The following NCKAP5 variants were observed in gnomAD, a reference collection of about 807,000 sequenced individuals.
NCKAP5 encodes nck-associated protein 5.
A neutral mutation model predicts 167.0 loss-of-function variants in NCKAP5; 92 were observed. The ratio of observed to expected loss-of-function variants is 0.55; its 90% CI spans 0.47 to 0.66. NCKAP5 has a LOEUF of 0.66. Among genes scored for constraint, NCKAP5 ranks in the 30% least tolerant of loss-of-function variants. The probability of loss-of-function intolerance (pLI) is 0.00; values close to 1 mark genes in which losing one functional copy is unlikely to be tolerated. For synonymous variants in NCKAP5, 891 were observed against 877.4 expected (o/e 1.02, Z -0.27); for missense variants, 2,378 against 2,315.0 (o/e 1.03, Z -0.56).
intron 5 of NCKAP5, among the ~76,000 whole-genome samples, chr2:133,211,196 C>T (rs4953880): frequency 0.46 from 70,544 of 151,738 alleles, 16,822 homozygotes; most frequent in Non-Finnish European, 0.51. Context: ...TGCTCAGATA[C>T]TAACTTTTCA....
chr2:133,535,363 C>A (rs1212790656), intron 2 of NCKAP5, among the ~76,000 whole-genome samples: 1 of 151,928 alleles, frequency 6.6e-6, no homozygotes, highest in Non-Finnish European at 1.5e-5. Flanking sequence ...TTGTTTAACT[C>A]CTGCTTTTAA....
intron 3 of NCKAP5, among the ~76,000 whole-genome samples, chr2:133,484,289 A>T (rs1041496295): frequency 6.6e-6 from 1 of 152,198 alleles, no homozygotes; most frequent in African/African-American, 2.4e-5. Flanking sequence ...CATCTGGTCC[A>T]GTCCTTGTCT....
intron 6 of NCKAP5, among the ~76,000 whole-genome samples, chr2:133,091,272 C>A (rs894551829): frequency 6.6e-6 from 1 of 152,176 alleles, no homozygotes; most frequent in Admixed American, 6.5e-5. Flanking sequence ...ATTCACTCAG[C>A]CTATGGATCT....
At chr2:133,177,946 T>C (rs752988467) in intron 5 of NCKAP5, among the ~76,000 whole-genome samples, 15 of 152,170 alleles carry the variant, frequency 9.9e-5, no homozygotes, top group Non-Finnish European at 1.6e-4. Context: ...GGAGGCTGCC[T>C]ACCTCTCCTG....
intron 3 of NCKAP5, among the ~76,000 whole-genome samples, chr2:133,385,328 T>C (rs910332007): frequency 1.3e-5 from 2 of 152,256 alleles, no homozygotes; most frequent in Middle Eastern, 3.2e-3. Context: ...TCTTTGGTTC[T>C]GTTTATATGT....
chr2:132,690,772 A>G (rs1217486080), intron 19 of NCKAP5, among the ~76,000 whole-genome samples: 1 of 152,138 alleles, frequency 6.6e-6, no homozygotes, highest in Admixed American at 6.5e-5. Flanking sequence ...CTGGACAGTA[A>G]GAGGAGGGGG....
chr2:132,906,558 T>TG (rs1393809575), intron 8 of NCKAP5, among the ~76,000 whole-genome samples: 1 of 152,124 alleles, frequency 6.6e-6, no homozygotes, highest in Non-Finnish European at 1.5e-5. Context: ...TGAGGTCTTC[T>TG]GGGGAGATTA....
intron 3 of NCKAP5, among the ~76,000 whole-genome samples, chr2:133,402,086 AAT>A (rs1247094508): frequency 6.6e-6 from 1 of 151,558 alleles, no homozygotes; most frequent in East Asian, 2.0e-4. Context: ...CTAAATTAAT[AAT>A]CTCTGAGTGG....
chr2:132,846,049 C>A, intron 11 of NCKAP5, among the ~76,000 whole-genome samples: 1 of 151,978 alleles, frequency 6.6e-6, no homozygotes, highest in East Asian at 1.9e-4. Context: ...TGAATGAAAT[C>A]TTTTCTCAAT....
At chr2:132,881,515 C>A (rs1406841889) in intron 8 of NCKAP5, among the ~76,000 whole-genome samples, 1 of 151,088 alleles carries the variant, frequency 6.6e-6, no homozygotes, top group Non-Finnish European at 1.5e-5. Flanking sequence ...TTTCTTCTTC[C>A]CTTCTTTTCC....
At chr2:132,713,929 T>C (rs1689108518) in intron 19 of NCKAP5, among the ~76,000 whole-genome samples, 1 of 152,038 alleles carries the variant, frequency 6.6e-6, no homozygotes, top group Non-Finnish European at 1.5e-5. Context: ...CCTTAAAGAG[T>C]GTGTTGATTT....
At chr2:133,264,589 C>T (rs2089088526) in intron 4 of NCKAP5, among the ~76,000 whole-genome samples, 1 of 152,172 alleles carries the variant, frequency 6.6e-6, no homozygotes, top group Non-Finnish European at 1.5e-5. Flanking sequence ...TCAGAAACAT[C>T]ACATGGTTTT....
chr2:132,773,387 T>C (rs1229253606), intron 16 of NCKAP5, among the ~76,000 whole-genome samples: 1 of 152,228 alleles, frequency 6.6e-6, no homozygotes, highest in Non-Finnish European at 1.5e-5. Flanking sequence ...AGAAATGATG[T>C]AAAAAGAGAG....
At chr2:133,266,815 C>G (rs1247951627) in intron 4 of NCKAP5, among the ~76,000 whole-genome samples, 3 of 152,170 alleles carry the variant, frequency 2.0e-5, no homozygotes, top group Admixed American at 6.5e-5. Flanking sequence ...GGAGGCCCCT[C>G]GGGTGGGCAG....
intron 11 of NCKAP5, among the ~76,000 whole-genome samples, chr2:132,827,005 G>C (rs562483320): frequency 1.3e-5 from 2 of 152,092 alleles, no homozygotes; most frequent in Non-Finnish European, 2.9e-5. Context: ...ATCGACAGAG[G>C]CACTGATACG....
At chr2:133,202,175 TACC>T (rs1019172250) in intron 5 of NCKAP5, among the ~76,000 whole-genome samples, 6 of 152,172 alleles carry the variant, frequency 3.9e-5, no homozygotes, top group Non-Finnish European at 7.3e-5. Flanking sequence ...ATGGTACTGG[TACC>T]ACAACAGAGA....
At chr2:132,930,121 C>G (rs1401535472) in intron 8 of NCKAP5, 1 of 152,192 alleles carries the variant, frequency 6.6e-6, no homozygotes, top group Non-Finnish European at 1.5e-5. Flanking sequence ...AAATCTCATA[C>G]TGGTTCTGCT....
chr2:133,563,479 G>A (rs991798611), intron 1 of NCKAP5, among the ~76,000 whole-genome samples: 2 of 141,700 alleles, frequency 1.4e-5, no homozygotes, highest in Non-Finnish European at 3.0e-5. Context: ...TGAGGCAGGA[G>A]AATAGCTTGA....
At chr2:133,448,406 C>T (rs1326481480) in intron 3 of NCKAP5, among the ~76,000 whole-genome samples, 3 of 152,022 alleles carry the variant, frequency 2.0e-5, no homozygotes, top group Admixed American at 2.0e-4. Context: ...TTTAACTAAT[C>T]TATCCTGTAT....
Sources: allele counts gnomAD v4.1 joint callset (sites outside exome capture counted in the v4.1 genomes callset), GRCh38; gene constraint gnomAD v4.1.1; transcripts MANE v1.5; gene names NCBI Gene and HGNC (gene_info 2026-07-23, HGNC 2026-07-21).